Variants in SOX5 observed in about 807,000 individuals in gnomAD.
The protein encoded by SOX5 is SRY-box transcription factor 5, also known as transcription factor SOX-5.
A neutral mutation model predicts 92.0 loss-of-function variants in SOX5; 9 were observed. The observed-to-expected ratio is 0.10, with a 90% confidence interval of 0.06 to 0.17. The LOEUF is 0.17. Among genes scored for constraint, SOX5 ranks in the 10% least tolerant of loss-of-function variants. The pLI, the probability that SOX5 is intolerant of heterozygous loss-of-function variation, is 1.00. For missense variants in SOX5, 642 were observed against 944.5 expected, an observed-to-expected ratio of 0.68 and a Z score of 4.20; for synonymous variants, 344 against 336.3, an observed-to-expected ratio of 1.02 and a Z score of -0.25.
intron 2 of SOX5, among the ~76,000 whole-genome samples, chr12:24,311,725 A>G (rs1236411427): frequency 6.6e-6 from 1 of 152,198 alleles, no homozygotes; most frequent in Non-Finnish European, 1.5e-5. Context: ...ACTTAGTTCT[A>G]TTTAAAAGCT....
chr12:23,958,887 G>A (rs1946576962), intron 4 of SOX5, among the ~76,000 whole-genome samples: 3 of 151,788 alleles, frequency 2.0e-5, no homozygotes, highest in African/African-American at 7.2e-5. Flanking sequence ...AAAGTAATAT[G>A]TAGAAATCAA....
At chr12:23,702,075 A>C (rs1388124127) in intron 6 of SOX5, among the ~76,000 whole-genome samples, 3 of 152,136 alleles carry the variant, frequency 2.0e-5, no homozygotes, top group Admixed American at 2.0e-4. Context: ...CAAGTCTCTT[A>C]TTTTGCCTGT....
chr12:24,397,913 G>A (rs138884058), intron 1 of SOX5, among the ~76,000 whole-genome samples: 4,804 of 151,828 alleles, frequency 0.032, 236 homozygotes, highest in African/African-American at 0.11. Context: ...GCAGTGGCAC[G>A]ATCTCGGCTC....
intron 1 of SOX5, among the ~76,000 whole-genome samples, chr12:24,513,363 G>C (rs1949498254): frequency 6.6e-6 from 1 of 152,220 alleles, no homozygotes. Context: ...ATCCAACGTA[G>C]TTCCTTCTAA....
At chr12:24,116,107 T>C (rs1327495941) in intron 4 of SOX5, among the ~76,000 whole-genome samples, 1 of 152,126 alleles carries the variant, frequency 6.6e-6, no homozygotes, top group Non-Finnish European at 1.5e-5. Context: ...AAAGAGCTGA[T>C]AAAACGTTAC....
At chr12:23,644,033 T>C (rs939342896) in intron 7 of SOX5, among the ~76,000 whole-genome samples, 4 of 152,178 alleles carry the variant, frequency 2.6e-5, no homozygotes, top group Non-Finnish European at 5.9e-5. Context: ...TCACCTCCCT[T>C]TCAGTGTGTC....
intron 2 of SOX5, among the ~76,000 whole-genome samples, chr12:24,307,317 G>A (rs1333047742): frequency 8.4e-6 from 1 of 118,912 alleles, no homozygotes; most frequent in African/African-American, 2.6e-5. Context: ...AATATAGACT[G>A]TCTTTTTTCA....
intron 3 of SOX5, among the ~76,000 whole-genome samples, chr12:24,265,844 A>G (rs1314529721): frequency 6.6e-6 from 1 of 152,180 alleles, no homozygotes; most frequent in African/African-American, 2.4e-5. Context: ...TCATTATAAA[A>G]TTATTTTTCA....
At chr12:24,538,224 C>T (rs1566421824) in intron 1 of SOX5, among the ~76,000 whole-genome samples, 1 of 152,152 alleles carries the variant, frequency 6.6e-6, no homozygotes, top group African/African-American at 2.4e-5. Context: ...AAGTGCCAGC[C>T]TTGCAGTTCC....
At chr12:23,941,263 T>C (rs1386965839) in intron 1 of SOX5, among the ~76,000 whole-genome samples, 2 of 151,550 alleles carry the variant, frequency 1.3e-5, no homozygotes, top group Admixed American at 6.6e-5. Context: ...AATTTACTTA[T>C]AAAAGTCCAA....
rs566856714 is a variant in SOX5, at chr12:24,033,416, T to C, written c.-1-137392A>G. 1.0e-3 allele frequency among the ~76,000 whole-genome samples: 156 copies of C among 152,088 alleles called. 1 individual carries two copies. Among genetic ancestry groups the C allele is most frequent in the Admixed American group, 4.8e-3 (73 of 15,264 alleles). On this transcript the variant is annotated intron_variant, in intron 4 of 4. Transcript: ENST00000446891. ...AACTCACAGGACCATTACAAAGTGA[T>C]TTAAAAAAAGAGTATCAATCCCAGC... is the stretch of plus-strand genomic sequence containing the variant.
chr12:24,147,804 A>G lies in SOX5; in HGVS notation c.-2+65539T>C, dbSNP rs1238851382. Among the ~76,000 whole-genome samples the G allele has an allele frequency of 2.0e-5, 3 of 152,212 alleles. No homozygotes were observed. The East Asian group carries it at 5.8e-4, about 29-fold the overall frequency. ...AAATTAAAATTTAAAATACATTTAC[A>G]ATAGTATCAATTTTTAAAAAACCTA... On this transcript the variant is annotated intron_variant, in intron 4 of 4. Transcript: ENST00000446891.
At chr12:24,076,302 TTTTG>T (rs1942584161) in intron 4 of SOX5, among the ~76,000 whole-genome samples, 1 of 152,120 alleles carries the variant, frequency 6.6e-6, no homozygotes, top group African/African-American at 2.4e-5. Context: ...CTGCAGGCAG[TTTTG>T]TTTAAGTGAG....
At chr12:24,157,271 T>A (rs962486355) in intron 4 of SOX5, among the ~76,000 whole-genome samples, 1 of 152,148 alleles carries the variant, frequency 6.6e-6, no homozygotes, top group African/African-American at 2.4e-5. Flanking sequence ...AAATCCTTCA[T>A]TGAGCTAAAT....
intron 7 of SOX5, among the ~76,000 whole-genome samples, chr12:23,646,868 T>G (rs1046629931): frequency 5.9e-5 from 9 of 152,218 alleles, no homozygotes; most frequent in Non-Finnish European, 4.4e-5. Context: ...CCTCTACTGA[T>G]GTCTTGAACC....
chr12:23,777,039 T>A (rs2095125879), intron 3 of SOX5, among the ~76,000 whole-genome samples: 2 of 152,182 alleles, frequency 1.3e-5, no homozygotes. Context: ...TCCTCCCCAC[T>A]AGAACACAAG....
chr12:23,818,898 T>A (rs943988140), intron 3 of SOX5, among the ~76,000 whole-genome samples: 61 of 152,292 alleles, frequency 4.0e-4, no homozygotes, highest in African/African-American at 1.4e-3. Context: ...CACCTCAGCA[T>A]CTTATCTCAC....
chr12:23,622,269 A>C (rs1271064890), intron 8 of SOX5, among the ~76,000 whole-genome samples: 2 of 151,960 alleles, frequency 1.3e-5, no homozygotes, highest in African/African-American at 4.8e-5. Context: ...TTTTCATTTT[A>C]TGACTGCAAA....
At chr12:24,131,467 C>A (rs1228133115) in intron 4 of SOX5, among the ~76,000 whole-genome samples, 1 of 152,108 alleles carries the variant, frequency 6.6e-6, no homozygotes, top group Non-Finnish European at 1.5e-5. Flanking sequence ...TAAATAAAGG[C>A]CCAATGATTG....
Sources: gnomAD v4.1 joint callset for allele counts (sites outside exome capture counted in the v4.1 genomes callset) on GRCh38, gnomAD v4.1.1 for gene constraint, MANE v1.5 for transcripts, NCBI Gene and HGNC (gene_info 2026-07-23, HGNC 2026-07-21) for gene names.